Variants in DLGAP4 observed in about 807,000 individuals in gnomAD.
DLGAP4 encodes the protein DLG associated protein 4, also known as disks large-associated protein 4.
DLGAP4 carries 18 observed loss-of-function variants against 86.9 expected under a neutral mutation model. The ratio of observed to expected loss-of-function variants is 0.21; its 90% CI spans 0.14 to 0.31. The LOEUF is 0.31. DLGAP4 is among the 10% of genes least tolerant of loss of function. The pLI is 1.00. For missense variants in DLGAP4, 1,085 were observed against 1,362.6 expected (o/e 0.80, Z 3.21); for synonymous variants, 548 against 574.3 (o/e 0.95, Z 0.65).
intron 2 of DLGAP4, among the ~76,000 whole-genome samples, chr20:36,368,964 T>C (rs989968913): frequency 5.3e-5 from 8 of 152,110 alleles, no homozygotes; most frequent in African/African-American, 1.9e-4. Context: ...ACCTCCACCC[T>C]CCGGGCCAGG....
At chr20:36,389,620 C>A (rs2031718979) in intron 2 of DLGAP4, among the ~76,000 whole-genome samples, 1 of 152,040 alleles carries the variant, frequency 6.6e-6, no homozygotes, top group Non-Finnish European at 1.5e-5. Flanking sequence ...TTCTTCCTCT[C>A]TCTTTTTAAA....
In DLGAP4 at chr20:36,365,795, C is replaced by T. The variant is rs547622145; in HGVS notation, c.-303-1250C>T. ...GCAAGGGGAGAAAGGTGAGCCTCCCCGACCAGCGACTGTCCCTTTCTCCTT... is the reference window on the plus strand; with the variant it reads ...GCAAGGGGAGAAAGGTGAGCCTCCCTGACCAGCGACTGTCCCTTTCTCCTT... On this transcript the variant is annotated intron_variant, in intron 1 of 12. Coordinates refer to ENST00000339266, the MANE Select transcript of DLGAP4 (RefSeq NM_001365621.2). Among the ~76,000 whole-genome samples the T allele has an allele frequency of 1.1e-4, 16 of 152,290 alleles. 1 individual carries two copies. The highest frequency in any genetic ancestry group is 3.9e-4 in the African/African-American group (16 of 41,558).
At chr20:36,414,298 C>T (rs1047430717) in intron 2 of DLGAP4, among the ~76,000 whole-genome samples, 6 of 152,174 alleles carry the variant, frequency 3.9e-5, no homozygotes, top group Admixed American at 3.3e-4. Flanking sequence ...GTGCCTGCGT[C>T]GTCCCCCTTC....
At chr20:36,462,623 G>C in intron 7 of DLGAP4, 1 of 1,582,222 alleles carries the variant, frequency 6.3e-7, no homozygotes, top group Non-Finnish European at 8.6e-7. Context: ...TGTCCGGGTC[G>C]GGCCGGAGTT....
At chr20:36,353,274 C>G (rs1555893587) in intron 1 of DLGAP4, among the ~76,000 whole-genome samples, 1 of 152,200 alleles carries the variant, frequency 6.6e-6, no homozygotes, top group East Asian at 1.9e-4. Flanking sequence ...AAGACCCCCT[C>G]CAACCCACAC....
At chr20:36,383,908 G>T (rs2147450579) in intron 2 of DLGAP4, among the ~76,000 whole-genome samples, 1 of 151,480 alleles carries the variant, frequency 6.6e-6, no homozygotes, top group Middle Eastern at 3.5e-3. Flanking sequence ...CCGGGAGGCG[G>T]AGCTTGCAGT....
intron 2 of DLGAP4, among the ~76,000 whole-genome samples, chr20:36,404,355 A>T (rs1243163433): frequency 6.6e-6 from 1 of 152,078 alleles, no homozygotes; most frequent in Non-Finnish European, 1.5e-5. Context: ...CCAGAGGGGG[A>T]CACAGAGGCC....
intron 7 of DLGAP4, among the ~76,000 whole-genome samples, chr20:36,492,210 C>T (rs1017493586): frequency 1.3e-5 from 2 of 152,140 alleles, no homozygotes; most frequent in African/African-American, 4.8e-5. Context: ...AATGAGAGCT[C>T]TCCTGTACAA....
intron 1 of DLGAP4, among the ~76,000 whole-genome samples, chr20:36,358,238 AC>A (rs1555894000): frequency 1.3e-5 from 2 of 152,136 alleles, no homozygotes; most frequent in Non-Finnish European, 2.9e-5. Flanking sequence ...GAAAATGCAA[AC>A]TGCAGTGCGG....
rs2036084543 is a variant in DLGAP4, at chr20:36,500,283, A to G, written c.2184A>G (p.Ser728=). The G allele has an allele frequency of 6.2e-7, 1 of 1,613,402 alleles. No individual in the cohort carries two copies. Among genetic ancestry groups the G allele is most frequent in the Non-Finnish European group, 8.5e-7 (1 of 1,179,700 alleles). The change falls in exon 10 of 13, where the codon TCA becomes TCG. Residue 728 remains serine (S), a synonymous_variant. Coordinates refer to ENST00000339266, the MANE Select transcript of DLGAP4 (RefSeq NM_001365621.2). The surrounding 1 kb of genome is among the most constrained non-coding windows in gnomAD (Gnocchi z 4.6). The part of the protein sequence containing the change: ...TQDANDSSCK[S]SERSLPDCTP... The stretch of plus-strand genomic sequence containing the variant: ...ATGCCAATGACTCAAGCTGTAAGTC[A>G]TCTGAGAGGAGCCTCCCGGACTGTA...
In DLGAP4 at chr20:36,353,788, G is replaced by A. The variant is rs148789100; in HGVS notation, c.-303-13257G>A. 3.3e-3 allele frequency among the ~76,000 whole-genome samples: 504 copies of A among 152,370 alleles called. 4 individuals are homozygous for A. Among genetic ancestry groups the A allele is most frequent in the African/African-American group, 0.011 (477 of 41,582 alleles). On this transcript the variant is annotated intron_variant, in intron 1 of 12. Transcript: ENST00000339266. ...AGAAGTTGCAGCAGCTCTGATGACT[G>A]GCTTGGCCCAAGGGGCAGGAGGCCA...
intron 12 of DLGAP4, 129 bp from the exon 13 acceptor site, chr20:36,526,684 G>C: frequency 1.2e-6 from 1 of 808,830 alleles, no homozygotes; most frequent in East Asian, 2.7e-5. Context: ...TTCCAAGTGT[G>C]TGTTGCTTGT....
intron 11 of DLGAP4, 188 bp from the exon 12 acceptor site, chr20:36,525,663 C>G: frequency 1.4e-6 from 1 of 718,570 alleles, no homozygotes; most frequent in Non-Finnish European, 2.3e-6. Flanking sequence ...CAAAGATCCC[C>G]ACCACTAGGG....
rs187168773 is a variant in DLGAP4 at position 36,512,120 on chromosome 20, G to A, written c.2512+11509G>A. Among the ~76,000 whole-genome samples the A allele has an allele frequency of 4.2e-5, 6 of 143,486 alleles. No individual in the cohort carries two copies. The South Asian group carries it at 6.9e-4, about 16-fold the overall frequency. The allele number at this position is 143,486 out of a possible 152,430, so 94.1% of individuals were successfully genotyped here. ...GGCTAGAGTGCAGTGGCGTGATCTC[G>A]GCTCACTGCAAGCTCCACCTCCCGG... is the stretch of plus-strand genomic sequence containing the variant. On this transcript the variant is annotated intron_variant, in intron 10 of 12. Coordinates refer to ENST00000339266, the MANE Select transcript of DLGAP4 (RefSeq NM_001365621.2).
intron 5 of DLGAP4, among the ~76,000 whole-genome samples, chr20:36,441,280 C>T (rs980786378): frequency 4.6e-5 from 7 of 152,280 alleles, no homozygotes; most frequent in African/African-American, 7.2e-5. Context: ...TCCTTATATA[C>T]GAGTGTGCCA....
intron 1 of DLGAP4, among the ~76,000 whole-genome samples, chr20:36,338,393 C>T (rs1040975615): frequency 6.6e-6 from 1 of 152,116 alleles, no homozygotes; most frequent in Non-Finnish European, 1.5e-5. Flanking sequence ...GAAACCCTGT[C>T]TCTACTAAAA....
rs908900712 is a variant in DLGAP4, at chr20:36,495,053, C to T, written c.1649-1652C>T. Among the ~76,000 whole-genome samples the T allele has an allele frequency of 1.3e-4, 15 of 116,572 alleles. No homozygotes were observed. In the East Asian group the frequency reaches 2.7e-3, roughly 21 times the overall value. The allele number at this position is 116,572 out of a possible 152,430, so 76.5% of individuals were successfully genotyped here. A position where few individuals can be genotyped will look rare whatever the true frequency, so the allele number is the denominator to read the frequency against. On this transcript the variant is annotated intron_variant, in intron 7 of 12. Coordinates refer to ENST00000339266, the MANE Select transcript of DLGAP4 (RefSeq NM_001365621.2). ...TATTGCCTAGGCTGGAGTGCAGTGG[C>T]GTAATCTTGGCTCACTGCAACCTCC... is the stretch of plus-strand genomic sequence containing the variant.
intron 10 of DLGAP4, among the ~76,000 whole-genome samples, chr20:36,523,161 C>T (rs1414193482): frequency 6.6e-6 from 1 of 151,998 alleles, no homozygotes; most frequent in Non-Finnish European, 1.5e-5. Flanking sequence ...CTAAGCTCAC[C>T]ACAGCCTCTG....
In DLGAP4 at chr20:36,436,176, A is replaced by G. The variant is rs985969994; in HGVS notation, c.1067A>G (p.Glu356Gly). 1 of 1,599,060 alleles carries G rather than the reference A, an allele frequency of 6.3e-7. No individual in the cohort carries two copies. Among genetic ancestry groups the G allele is most frequent in the South Asian group, 1.1e-5 (1 of 90,390 alleles). ...CCACGCGAGACGGATGCCGCGGCCG[A>G]GGGCCCTATCCCGTGCCGGCGCATG... ...LSPRETDAAAEGPIPCRRMRS... is the reference protein window; with the variant it reads ...LSPRETDAAAGGPIPCRRMRS... The change falls in exon 4 of 13, where the codon GAG becomes GGG. Residue 356 changes from glutamate to glycine, a missense_variant. Physicochemically the swap from Glu to Gly is moderately conservative, Grantham distance 98 (BLOSUM62 -2). This residue lies in a region of DLGAP4 where 1,082 missense variants were observed against 1,344.1 expected (regional missense o/e 0.81). Coordinates refer to ENST00000339266, the MANE Select transcript of DLGAP4 (RefSeq NM_001365621.2).
Sources: allele counts gnomAD v4.1 joint callset (sites outside exome capture counted in the v4.1 genomes callset), GRCh38; gene constraint gnomAD v4.1.1; regional missense constraint gnomAD v4.1.1; non-coding constraint Gnocchi (gnomAD v3.1); transcripts MANE v1.5; gene names NCBI Gene and HGNC (gene_info 2026-07-23, HGNC 2026-07-21).